Variants in MTHFD2L observed in about 807,000 individuals in gnomAD.
The protein encoded by MTHFD2L is bifunctional methylenetetrahydrofolate dehydrogenase/cyclohydrolase 2, mitochondrial.
MTHFD2L carries 29 observed loss-of-function variants against 34.9 expected under a neutral mutation model. That is an observed-to-expected ratio of 0.83 (90% confidence interval 0.62 to 1.13). MTHFD2L has a LOEUF of 1.13. MTHFD2L is among the 50% of genes most tolerant of loss of function. The pLI, the probability that MTHFD2L is intolerant of heterozygous loss-of-function variation, is 0.00. For synonymous variants in MTHFD2L, 167 were observed against 155.7 expected, an observed-to-expected ratio of 1.07 and a Z score of -0.54; for missense variants, 481 against 446.5, an observed-to-expected ratio of 1.08 and a Z score of -0.70.
intron 6 of MTHFD2L, among the ~76,000 whole-genome samples, chr4:74,273,342 A>G (rs1205699004): frequency 1.3e-5 from 2 of 152,020 alleles, no homozygotes; most frequent in Non-Finnish European, 2.9e-5. Context: ...ACACTCTGGG[A>G]GAAGAAGAAT....
At chr4:74,292,092 G>A (rs1384368350) in intron 7 of MTHFD2L, among the ~76,000 whole-genome samples, 2 of 152,132 alleles carry the variant, frequency 1.3e-5, no homozygotes, top group Non-Finnish European at 2.9e-5. Context: ...CCCACACTGA[G>A]CATTTCACGA....
intron 6 of MTHFD2L, among the ~76,000 whole-genome samples, chr4:74,239,616 C>T (rs1412035345): frequency 2.0e-5 from 3 of 152,014 alleles, no homozygotes; most frequent in South Asian, 2.1e-4. Flanking sequence ...TGAGAATTAA[C>T]GAGTACTGTG....
chr4:74,269,628 A>T (rs1745712432), intron 6 of MTHFD2L, among the ~76,000 whole-genome samples: 1 of 152,102 alleles, frequency 6.6e-6, no homozygotes, highest in South Asian at 2.1e-4. Flanking sequence ...TACTTCAGGG[A>T]TATGTCTGCT....
intron 5 of MTHFD2L, among the ~76,000 whole-genome samples, chr4:74,212,739 T>C (rs1304976157): frequency 6.6e-6 from 1 of 152,224 alleles, no homozygotes; most frequent in Non-Finnish European, 1.5e-5. Flanking sequence ...GTTCAAGTCC[T>C]GAACATCCTT....
chr4:74,249,014 G>A (rs1742912052), intron 6 of MTHFD2L, among the ~76,000 whole-genome samples: 1 of 152,134 alleles, frequency 6.6e-6, no homozygotes, highest in South Asian at 2.1e-4. Context: ...GTGCAGAGCT[G>A]AGTTCAATTC....
intron 7 of MTHFD2L, among the ~76,000 whole-genome samples, chr4:74,281,816 T>C (rs990141530): frequency 6.6e-6 from 1 of 152,054 alleles, no homozygotes; most frequent in South Asian, 2.1e-4. Flanking sequence ...AAATTTCTTA[T>C]AGTACAGTTT....
At chr4:74,167,504 A>G (rs1175243863) in intron 1 of MTHFD2L, among the ~76,000 whole-genome samples, 1 of 152,228 alleles carries the variant, frequency 6.6e-6, no homozygotes. Context: ...AATATCAGTG[A>G]TTTAAAATAC....
intron 1 of MTHFD2L, among the ~76,000 whole-genome samples, chr4:74,149,740 T>G (rs937194419): frequency 1.3e-5 from 2 of 152,210 alleles, no homozygotes; most frequent in African/African-American, 4.8e-5. Context: ...TCAGGAATAT[T>G]CTTCTTGTTG....
intron 1 of MTHFD2L, among the ~76,000 whole-genome samples, chr4:74,128,948 T>C (rs920416185): frequency 5.9e-5 from 9 of 152,100 alleles, no homozygotes; most frequent in African/African-American, 2.2e-4. Context: ...TGTTTCTTGT[T>C]TTCTGGTTGT....
chr4:74,225,333 C>T lies in MTHFD2L; in HGVS notation c.744C>T (p.Tyr248=). Residue 248 remains tyrosine, a synonymous_variant, in exon 6 of 8, where the codon TAC becomes TAT. Coordinates refer to ENST00000325278, the MANE Select transcript of MTHFD2L (RefSeq NM_001144978.3). ...GDATVTIAHR[Y]TPKEQLKIHT... ...CAACTGTGACAATAGCTCACAGATA[C>T]ACCCCCAAAGAGCAACTGAAGATTC... 6.2e-7 allele frequency: 1 copy of T among 1,613,056 alleles called. No individual in the cohort carries two copies. The highest frequency in any genetic ancestry group is 1.1e-5 in the South Asian group (1 of 91,022).
chr4:74,169,807 A>G (rs1436070797), intron 1 of MTHFD2L, among the ~76,000 whole-genome samples: 1 of 152,208 alleles, frequency 6.6e-6, no homozygotes, highest in Non-Finnish European at 1.5e-5. Flanking sequence ...AACAGTGAAA[A>G]AAGTTTGTTA....
At chr4:74,232,387 G>A (rs1381263799) in intron 6 of MTHFD2L, among the ~76,000 whole-genome samples, 1 of 152,090 alleles carries the variant, frequency 6.6e-6, no homozygotes, top group Non-Finnish European at 1.5e-5. Flanking sequence ...GCACTTAGAT[G>A]AAAGGGATTT....
At chr4:74,152,500 C>T (rs1485175154) in intron 1 of MTHFD2L, among the ~76,000 whole-genome samples, 2 of 151,990 alleles carry the variant, frequency 1.3e-5, no homozygotes, top group African/African-American at 4.8e-5. Flanking sequence ...TTTTCTTTGA[C>T]AGACAAGCAC....
At chr4:74,164,959 A>T in intron 1 of MTHFD2L, 1 of 985,274 alleles carries the variant, frequency 1.0e-6, no homozygotes, top group Non-Finnish European at 1.2e-6. Flanking sequence ...CTGAGCAAGT[A>T]ATGACAGGGC....
At chr4:74,192,522 G>A (rs1233163502) in intron 3 of MTHFD2L, among the ~76,000 whole-genome samples, 1 of 152,064 alleles carries the variant, frequency 6.6e-6, no homozygotes, top group Non-Finnish European at 1.5e-5. Flanking sequence ...GCATTGAAAT[G>A]TACACATCTT....
At chr4:74,138,320 G>GAGCTCCCAAGATGTGGCAGGC (rs1342817474) in intron 1 of MTHFD2L, among the ~76,000 whole-genome samples, 1 of 151,966 alleles carries the variant, frequency 6.6e-6, no homozygotes, top group African/African-American at 2.4e-5. Context: ...TTTGTTGTTA[G>GAGCTCCCAAGATGTGGCAGGC]AGCTCCCAAG....
upstream of MTHFD2L, among the ~76,000 whole-genome samples, chr4:74,154,286 G>A (rs978939555): frequency 1.3e-5 from 2 of 152,058 alleles, no homozygotes; most frequent in Non-Finnish European, 2.9e-5. Flanking sequence ...GTGTTTGTCA[G>A]GTTTCTCCAT....
exon 1 of MTHFD2L, chr4:74,125,479 C>T (rs112480194): frequency 2.6e-5 from 4 of 152,298 alleles, no homozygotes; most frequent in African/African-American, 7.2e-5. Context: ...CCTGAACATA[C>T]AGCAAATTTA....
At chr4:74,252,753 A>G (rs180679714) in intron 6 of MTHFD2L, among the ~76,000 whole-genome samples, 1 of 152,238 alleles carries the variant, frequency 6.6e-6, no homozygotes. Flanking sequence ...GTGATATGGA[A>G]CATAAGAAAT....
Sources: gnomAD v4.1 joint callset for allele counts (sites outside exome capture counted in the v4.1 genomes callset) on GRCh38, gnomAD v4.1.1 for gene constraint, MANE v1.5 for transcripts, NCBI Gene and HGNC (gene_info 2026-07-23, HGNC 2026-07-21) for gene names.